MTO1: variants seen among roughly 807,000 people sequenced by gnomAD.
MTO1 encodes 5-taurinomethyluridine-[tRNA] synthase subunit MTO1, mitochondrial.
In MTO1, 46 loss-of-function variants were observed where a neutral mutation model predicts 71.6. The observed-to-expected ratio is 0.64, with a 90% CI of 0.51 to 0.82. The LOEUF (loss-of-function observed/expected upper bound fraction) is 0.82, where lower values mean the gene tolerates loss of function less well. Ranked by LOEUF, MTO1 falls within the 40% of genes least tolerant of loss-of-function variation. The probability of loss-of-function intolerance (pLI) is 0.00; values close to 1 mark genes in which losing one functional copy is unlikely to be tolerated. For synonymous variants in MTO1, 297 were observed against 312.1 expected (o/e 0.95, Z 0.51); for missense variants, 773 against 867.5 (o/e 0.89, Z 1.37).
At chr6:73,484,144 A>G (rs2150038448) in intron 9 of MTO1, among the ~76,000 whole-genome samples, 1 of 152,132 alleles carries the variant, frequency 6.6e-6, no homozygotes, top group Non-Finnish European at 1.5e-5. Flanking sequence ...ATTTTTAATA[A>G]TAGTAACAGC....
intron 9 of MTO1, among the ~76,000 whole-genome samples, chr6:73,490,922 A>C (rs1771785178): frequency 6.6e-6 from 1 of 152,160 alleles, no homozygotes; most frequent in Admixed American, 6.6e-5. Context: ...AAGGGATTAA[A>C]GTGGTCATAG....
intron 3 of MTO1, among the ~76,000 whole-genome samples, chr6:73,467,281 T>C (rs556624635): frequency 1.3e-5 from 2 of 152,072 alleles, no homozygotes; most frequent in African/African-American, 4.8e-5. Flanking sequence ...GCCACTGCAC[T>C]CCAGCCTGGG....
intron 9 of MTO1, among the ~76,000 whole-genome samples, chr6:73,489,856 A>G (rs1771755484): frequency 6.6e-6 from 1 of 152,210 alleles, no homozygotes; most frequent in Non-Finnish European, 1.5e-5. Context: ...ATCCTTAGGA[A>G]TCACCACACT....
intron 11 of MTO1, among the ~76,000 whole-genome samples, chr6:73,500,150 C>T (rs996421289): frequency 2.6e-5 from 4 of 152,260 alleles, no homozygotes; most frequent in Admixed American, 2.6e-4. Flanking sequence ...CAAGTGTGCA[C>T]CACCATCCTA....
chr6:73,461,789 T>A lies in MTO1; in HGVS notation c.-66T>A, dbSNP rs1770822794. 1 of 1,531,802 alleles carries A rather than the reference T, an allele frequency of 6.5e-7. No homozygotes were observed. Among genetic ancestry groups the A allele is most frequent in the Admixed American group, 1.7e-5 (1 of 57,982 alleles). 94.9% of individuals were successfully genotyped at this position (1,531,802 alleles called of 1,614,324 possible). On this transcript the variant is annotated 5_prime_UTR_variant, in exon 1 of 12. Transcript: ENST00000498286. Reference sequence around the variant, plus strand: ...TGGCCGCGCCCTGCAGATTGTCTCTTGTTGCGTAAGTTTTTTTGACCGTCA... The same window carrying A: ...TGGCCGCGCCCTGCAGATTGTCTCTAGTTGCGTAAGTTTTTTTGACCGTCA...
In MTO1 at chr6:73,493,024, CCTT is replaced by C. The variant is rs560080886; in HGVS notation, c.1756+679_1756+681del. Among the ~76,000 whole-genome samples the C allele has an allele frequency of 4.3e-4, 44 of 102,020 alleles. No homozygotes were observed. In the South Asian group the frequency reaches 8.3e-3, roughly 19 times the overall value. The allele number at this position is 102,020 out of a possible 152,430, so 66.9% of individuals were successfully genotyped here. On this transcript the variant is annotated intron_variant, in intron 10 of 11. Coordinates refer to ENST00000498286, the MANE Select transcript of MTO1 (RefSeq NM_012123.4). The stretch of plus-strand genomic sequence containing the variant: ...TTTTTTTTTTTTTGAGGAGGAGTTT[CCTT>C]CTTCTTGCCCAGGCTGGGGTGCAGT...
At chr6:73,495,286 C>G (rs1321993382) in intron 10 of MTO1, among the ~76,000 whole-genome samples, 1 of 152,136 alleles carries the variant, frequency 6.6e-6, no homozygotes, top group African/African-American at 2.4e-5. Flanking sequence ...GGATCGTTGA[C>G]CTGTTATTTT....
At chr6:73,492,994 AT>A (rs1244002273) in intron 10 of MTO1, among the ~76,000 whole-genome samples, 49 of 66,588 alleles carry the variant, frequency 7.4e-4, no homozygotes, top group South Asian at 3.8e-3. Flanking sequence ...GTGTGTGTGT[AT>A]TTTTTTTTTT....
intron 9 of MTO1, among the ~76,000 whole-genome samples, chr6:73,489,188 G>T (rs905853967): frequency 4.6e-5 from 7 of 151,492 alleles, no homozygotes; most frequent in African/African-American, 1.5e-4. Flanking sequence ...AACATTATTT[G>T]TTGAAGAAAC....
At chr6:73,488,995 T>C (rs1771734542) in intron 9 of MTO1, among the ~76,000 whole-genome samples, 1 of 152,236 alleles carries the variant, frequency 6.6e-6, no homozygotes, top group Non-Finnish European at 1.5e-5. Flanking sequence ...GTGCTTTTGG[T>C]GTCAGCCAAG....
At chr6:73,466,703 A>C (rs1264809841) in intron 3 of MTO1, 97 bp downstream of exon 3, 7 of 1,069,564 alleles carry the variant, frequency 6.5e-6, no homozygotes, top group Non-Finnish European at 9.8e-6. Flanking sequence ...TTGCTTATTC[A>C]AGGAACTTGT....
At chr6:73,488,777 G>C (rs1033011758) in intron 9 of MTO1, among the ~76,000 whole-genome samples, 18 of 151,770 alleles carry the variant, frequency 1.2e-4, no homozygotes, top group Admixed American at 1.2e-3. Context: ...AATTAGCCAC[G>C]CATGGTGGCA....
intron 9 of MTO1, chr6:73,487,825 C>T (rs11756187): frequency 0.14 from 20,642 of 151,000 alleles, 1,770 homozygotes; most frequent in Middle Eastern, 0.21. Flanking sequence ...GCGATCCTCC[C>T]GCCTCAGCCT....
chr6:73,499,156 C>T (rs1304863204), intron 11 of MTO1, among the ~76,000 whole-genome samples: 1 of 151,624 alleles, frequency 6.6e-6, no homozygotes, highest in Non-Finnish European at 1.5e-5. Flanking sequence ...TTGAAAAAAA[C>T]TATTTTTACA....
Position 73,473,567 on chromosome 6 carries a change from G to C in MTO1, c.738G>C (p.Glu246Asp). 2 of 1,613,978 alleles carry C rather than the reference G, an allele frequency of 1.2e-6. No homozygotes were observed. The highest frequency in any genetic ancestry group is 1.7e-6 in the Non-Finnish European group (2 of 1,179,996). ...KTGTPPRIAK[E>D]SINFSILNKH... ...GGACTCCACCCCGAATTGCCAAAGA[G>C]TCCATTAATTTCAGTATTCTAAACA... The change falls in exon 4 of 12, where the codon GAG becomes GAC. Residue 246 changes from glutamate (E) to aspartate (D), a missense_variant. By Grantham distance (45) the Glu-to-Asp change is conservative. Transcript: ENST00000498286.
intron 9 of MTO1, among the ~76,000 whole-genome samples, chr6:73,485,817 A>G (rs1415773570): frequency 2.0e-5 from 3 of 152,228 alleles, no homozygotes; most frequent in Admixed American, 6.5e-5. Context: ...CCGGTTAAAA[A>G]TACACTTGCT....
At chr6:73,468,072 C>T (rs1055925732) in intron 3 of MTO1, among the ~76,000 whole-genome samples, 1 of 151,960 alleles carries the variant, frequency 6.6e-6, no homozygotes, top group African/African-American at 2.4e-5. Context: ...ACCCGCCTCG[C>T]CCTCCCAGAG....
At chr6:73,468,976 G>C (rs968786204) in intron 3 of MTO1, among the ~76,000 whole-genome samples, 5 of 151,700 alleles carry the variant, frequency 3.3e-5, no homozygotes, top group Non-Finnish European at 7.4e-5. Flanking sequence ...CTTCCTTTAA[G>C]TATCTAGCGA....
At position 73,502,184 on chromosome 6, in the gene MTO1, C is replaced by G. The variant is rs1772177821; in HGVS notation, c.*1449C>G. The G allele has an allele frequency of 6.6e-6, 1 of 152,266 alleles. No individual in the cohort carries two copies. The highest frequency in any genetic ancestry group is 2.1e-4 in the South Asian group (1 of 4,836). The allele number at this position is 152,266 out of a possible 1,614,324, so 9.4% of individuals were successfully genotyped here. Reference sequence around the variant, plus strand: ...AGAGGCTGGTTGCAGCAGCTCACGCCTGTAATCCCAGCACTTTGGGAGGCT... The same window carrying G: ...AGAGGCTGGTTGCAGCAGCTCACGCGTGTAATCCCAGCACTTTGGGAGGCT... On this transcript the variant is annotated 3_prime_UTR_variant, in exon 12 of 12. Coordinates refer to ENST00000498286, the MANE Select transcript of MTO1 (RefSeq NM_012123.4).
Sources: gnomAD v4.1 joint callset for allele counts (sites outside exome capture counted in the v4.1 genomes callset) on GRCh38, gnomAD v4.1.1 for gene constraint, MANE v1.5 for transcripts, NCBI Gene and HGNC (gene_info 2026-07-23, HGNC 2026-07-21) for gene names.